The following LMX1A variants were observed in gnomAD, a reference collection of about 807,000 sequenced individuals.
LMX1A encodes the protein LIM homeobox transcription factor 1-alpha.
A neutral mutation model predicts 49.1 loss-of-function variants in LMX1A; 15 were observed. The observed-to-expected ratio is 0.31, with a 90% CI of 0.20 to 0.47. The LOEUF is 0.47. Ranked by LOEUF, LMX1A falls within the 20% of genes least tolerant of loss-of-function variation. The pLI is 1.00. For synonymous variants in LMX1A, 167 were observed against 185.7 expected, an observed-to-expected ratio of 0.90 and a Z score of 0.82; for missense variants, 372 against 475.8, an observed-to-expected ratio of 0.78 and a Z score of 2.03.
At chr1:165,286,257 C>A (rs190381860) in intron 3 of LMX1A, among the ~76,000 whole-genome samples, 2 of 152,290 alleles carry the variant, frequency 1.3e-5, no homozygotes, top group East Asian at 3.9e-4. Context: ...CAGAGTATGT[C>A]GGCACTCAAT....
At chr1:165,215,547 G>A (rs780193529) in intron 4 of LMX1A, among the ~76,000 whole-genome samples, 5 of 152,082 alleles carry the variant, frequency 3.3e-5, no homozygotes, top group Admixed American at 6.5e-5. Flanking sequence ...CTTTCCTCCT[G>A]TCCTCCTCTG....
intron 8 of LMX1A, among the ~76,000 whole-genome samples, chr1:165,205,146 A>AT (rs1651021773): frequency 6.6e-6 from 1 of 152,212 alleles, no homozygotes; most frequent in Non-Finnish European, 1.5e-5. Flanking sequence ...GTACAGACCA[A>AT]TGCATTACAT....
chr1:165,313,641 G>A (rs1383876642), intron 3 of LMX1A, among the ~76,000 whole-genome samples: 1 of 151,892 alleles, frequency 6.6e-6, no homozygotes, highest in East Asian at 1.9e-4. Context: ...AGGCCTGAAG[G>A]GAGCAGTTAC....
chr1:165,327,721 C>T (rs1240514091), intron 3 of LMX1A, among the ~76,000 whole-genome samples: 2 of 152,240 alleles, frequency 1.3e-5, no homozygotes, highest in East Asian at 1.9e-4. Context: ...ACACACCACC[C>T]AGGCACAAAG....
intron 3 of LMX1A, among the ~76,000 whole-genome samples, chr1:165,291,380 A>G (rs747945290): frequency 6.6e-6 from 1 of 152,172 alleles, no homozygotes; most frequent in Non-Finnish European, 1.5e-5. Flanking sequence ...GATGAAGAGG[A>G]GAGTTCATTC....
chr1:165,220,710 T>C (rs558420903), intron 4 of LMX1A, among the ~76,000 whole-genome samples: 2 of 152,342 alleles, frequency 1.3e-5, no homozygotes, highest in East Asian at 3.9e-4. Flanking sequence ...CATCTGTACA[T>C]GCCTTGGGCC....
chr1:165,303,272 G>A (rs1482573404), intron 3 of LMX1A, among the ~76,000 whole-genome samples: 1 of 152,130 alleles, frequency 6.6e-6, no homozygotes, highest in Non-Finnish European at 1.5e-5. Flanking sequence ...TCTGGGACCT[G>A]CTCCCTGTGC....
intron 4 of LMX1A, among the ~76,000 whole-genome samples, chr1:165,245,296 T>C (rs911116578): frequency 6.6e-6 from 1 of 152,070 alleles, no homozygotes; most frequent in African/African-American, 2.4e-5. Flanking sequence ...CTAGAGGTCA[T>C]TGATGCAGTC....
intron 6 of LMX1A, 92 bp from the exon 7 acceptor site, chr1:165,208,224 G>C: frequency 8.6e-7 from 1 of 1,157,248 alleles, no homozygotes; most frequent in Non-Finnish European, 1.3e-6. Context: ...CCTTCCCCGG[G>C]AGAGGGCTTG....
chr1:165,353,045 C>A, intron 3 of LMX1A, 31 bp downstream of exon 3: 2 of 1,609,308 alleles, frequency 1.2e-6, no homozygotes, highest in Non-Finnish European at 1.7e-6. Context: ...TGCCAGTGCG[C>A]GGGGAGCGCT....
Position 165,206,068 on chromosome 1 carries a change from A to G in LMX1A, c.818-34T>C, listed in dbSNP as rs755424898. The G allele has an allele frequency of 9.6e-5, 144 of 1,505,546 alleles. No homozygotes were observed. The East Asian group carries it at 3.4e-3, about 35-fold the overall frequency. 93.3% of individuals were successfully genotyped at this position (1,505,546 alleles called of 1,614,324 possible). ...CAAAGAAGAAGCCAGGTCATTCTCA[A>G]CGTGCAGCCTGGCATGTGATTTCCC... On this transcript the variant is annotated intron_variant, in intron 7 of 8. Transcript: ENST00000342310.
intron 3 of LMX1A, among the ~76,000 whole-genome samples, chr1:165,275,875 GT>G (rs1322493410): frequency 6.6e-6 from 1 of 150,582 alleles, no homozygotes; most frequent in African/African-American, 2.5e-5. Flanking sequence ...GTGTGTGTGT[GT>G]GTGTGTGTGT....
Position 165,203,874 on chromosome 1 carries a change from G to C in LMX1A, c.*6C>G. 1 of 1,613,790 alleles carries C rather than the reference G, an allele frequency of 6.2e-7. No homozygotes were observed. Among genetic ancestry groups the C allele is most frequent in the South Asian group, 1.1e-5 (1 of 91,044 alleles). On this transcript the variant is annotated 3_prime_UTR_variant, in exon 9 of 9. Transcript: ENST00000342310. ...GGAGCCTAGTCACAGAACTCTAGGG[G>C]AAGACTCAAGATGTGAAGTAAGAAT...
chr1:165,304,291 C>T (rs1424162174), intron 3 of LMX1A, among the ~76,000 whole-genome samples: 2 of 152,144 alleles, frequency 1.3e-5, no homozygotes, highest in East Asian at 1.9e-4. Flanking sequence ...GCCTCTCCCA[C>T]CCCAAAAATA....
chr1:165,326,206 G>A (rs535048930), intron 3 of LMX1A, among the ~76,000 whole-genome samples: 1 of 152,196 alleles, frequency 6.6e-6, no homozygotes, highest in Non-Finnish European at 1.5e-5. Flanking sequence ...GAGGGGAAGG[G>A]GGGTAGATGA....
chr1:165,308,853 A>T (rs1212312431), intron 3 of LMX1A, among the ~76,000 whole-genome samples: 3 of 152,164 alleles, frequency 2.0e-5, no homozygotes, highest in Non-Finnish European at 4.4e-5. Flanking sequence ...GTCATGTGTC[A>T]TCTGGAGGGG....
At chr1:165,311,658 T>G (rs185046462) in intron 3 of LMX1A, among the ~76,000 whole-genome samples, 126 of 152,360 alleles carry the variant, frequency 8.3e-4, no homozygotes, top group Non-Finnish European at 1.5e-3. Flanking sequence ...GATGTCACCC[T>G]GAGTTAGGCA....
intron 3 of LMX1A, among the ~76,000 whole-genome samples, chr1:165,272,285 T>C (rs1381787401): frequency 6.6e-6 from 1 of 152,164 alleles, no homozygotes; most frequent in East Asian, 1.9e-4. Flanking sequence ...CAAAAACAAA[T>C]TCCACCATAT....
intron 3 of LMX1A, among the ~76,000 whole-genome samples, chr1:165,311,319 G>A (rs1332274153): frequency 6.6e-6 from 1 of 152,222 alleles, no homozygotes; most frequent in East Asian, 1.9e-4. Flanking sequence ...CTTAGGCCCA[G>A]TTATCCTTGG....
Sources: gnomAD v4.1 joint callset for allele counts (sites outside exome capture counted in the v4.1 genomes callset) on GRCh38, gnomAD v4.1.1 for gene constraint, MANE v1.5 for transcripts, NCBI Gene and HGNC (gene_info 2026-07-23, HGNC 2026-07-21) for gene names.